Variants in CADM2 observed in about 807,000 individuals in gnomAD.
The protein encoded by CADM2 is immunoglobulin superfamily member 4D.
CADM2 carries 12 observed loss-of-function variants against 49.8 expected under a neutral mutation model. The ratio of observed to expected loss-of-function variants is 0.24; its 90% CI spans 0.15 to 0.39. The LOEUF (loss-of-function observed/expected upper bound fraction) is 0.39, where lower values mean the gene tolerates loss of function less well. CADM2 is among the 10% of genes least tolerant of loss of function. The probability of loss-of-function intolerance (pLI) is 1.00; values close to 1 mark genes in which losing one functional copy is unlikely to be tolerated. For missense variants in CADM2, 378 were observed against 492.3 expected, an observed-to-expected ratio of 0.77 and a Z score of 2.20; for synonymous variants, 214 against 175.4, an observed-to-expected ratio of 1.22 and a Z score of -1.74.
In CADM2 at chr3:84,990,889, A is replaced by G. The variant is rs958955428; in HGVS notation, c.61+31221A>G. On this transcript the variant is annotated intron_variant, in intron 1 of 9. Transcript: ENST00000383699. Reference sequence around the variant, plus strand: ...ATGAAAAGCATCTAACATCATATTGATTAGGTATTTCACAATTTTTTTCTT... The same window carrying G: ...ATGAAAAGCATCTAACATCATATTGGTTAGGTATTTCACAATTTTTTTCTT... Among the ~76,000 whole-genome samples the G allele has an allele frequency of 2.0e-5, 3 of 152,146 alleles. No individual in the cohort carries two copies. The South Asian group carries it at 6.2e-4, about 31-fold the overall frequency.
intron 2 of CADM2, among the ~76,000 whole-genome samples, chr3:85,798,960 G>T (rs1274746223): frequency 6.6e-6 from 1 of 152,070 alleles, no homozygotes; most frequent in Non-Finnish European, 1.5e-5. Flanking sequence ...GCAGTGGTTT[G>T]TAGTTCTCTT....
At position 85,892,570 on chromosome 3, in the gene CADM2, G is replaced by A. The variant is rs138265059; in HGVS notation, c.529+6243G>A. ...TTATAAAGGCAGTTCCCCTGCACAC[G>A]CTCTCTTGCCTGCCACCATGTAAGA... On this transcript the variant is annotated intron_variant, in intron 5 of 9. Transcript: ENST00000383699. Among the ~76,000 whole-genome samples the A allele has an allele frequency of 3.1e-4, 47 of 152,138 alleles. 1 individual carries two copies. The highest frequency in any genetic ancestry group is 4.7e-4 in the Non-Finnish European group (32 of 68,000).
chr3:85,011,978 A>G (rs1440660572), intron 1 of CADM2, among the ~76,000 whole-genome samples: 2 of 152,186 alleles, frequency 1.3e-5, no homozygotes, highest in African/African-American at 4.8e-5. Flanking sequence ...GTTAAGTAAA[A>G]AAATACTAAA....
intron 1 of CADM2, among the ~76,000 whole-genome samples, chr3:85,002,082 AT>A (rs1178143650): frequency 6.6e-6 from 1 of 151,676 alleles, no homozygotes; most frequent in South Asian, 2.1e-4. Context: ...TTAGGACCAC[AT>A]TTTTTTTCTT....
At chr3:85,207,367 C>T (rs961066004) in intron 1 of CADM2, among the ~76,000 whole-genome samples, 2 of 152,000 alleles carry the variant, frequency 1.3e-5, no homozygotes, top group African/African-American at 4.8e-5. Context: ...GGTATTTCTG[C>T]TTTATATCTT....
chr3:85,804,429 C>T lies in CADM2; in HGVS notation c.238+2233C>T, dbSNP rs542387952. On this transcript the variant is annotated intron_variant, in intron 3 of 9. Coordinates refer to ENST00000383699, the MANE Select transcript of CADM2 (RefSeq NM_001167675.2). Reference sequence around the variant, plus strand: ...TGAAAGTGTAGCACACTATCAACAACAAATTTGTCCCAAGCAGCAACTATA... The same window carrying T: ...TGAAAGTGTAGCACACTATCAACAATAAATTTGTCCCAAGCAGCAACTATA... Among the ~76,000 whole-genome samples, 56 of 152,236 alleles carry T rather than the reference C, an allele frequency of 3.7e-4. 1 individual carries two copies. In the South Asian group the frequency reaches 0.011, roughly 29 times the overall value.
Position 85,027,109 on chromosome 3 carries a change from CT to C in CADM2, c.61+67464del, listed in dbSNP as rs1160735135. ...TGGTTGTTGTTGCTTTTTCTTTTTC[CT>C]TTTTTTTTTTTTTTTTTTTTTTAAG... On this transcript the variant is annotated intron_variant, in intron 1 of 9. Coordinates refer to ENST00000383699, the MANE Select transcript of CADM2 (RefSeq NM_001167675.2). Among the ~76,000 whole-genome samples the C allele has an allele frequency of 2.0e-3, 114 of 55,686 alleles. 1 individual carries two copies. The highest frequency in any genetic ancestry group is 0.022 in the Middle Eastern group (1 of 46). The allele number at this position is 55,686 out of a possible 152,430, so 36.5% of individuals were successfully genotyped here. A position where few individuals can be genotyped will look rare whatever the true frequency, so the allele number is the denominator to read the frequency against.
intron 8 of CADM2, among the ~76,000 whole-genome samples, chr3:86,040,596 C>A (rs7653231): frequency 0.065 from 9,965 of 152,144 alleles, 868 homozygotes; most frequent in African/African-American, 0.19. Flanking sequence ...AAGACCAAAT[C>A]GACGTCTGAT....
At chr3:85,978,303 C>A (rs1014100606) in intron 8 of CADM2, among the ~76,000 whole-genome samples, 1 of 149,510 alleles carries the variant, frequency 6.7e-6, no homozygotes, top group Admixed American at 6.6e-5. Flanking sequence ...GCATTAAACA[C>A]TATTCTTTCT....
At chr3:84,996,217 A>C (rs890621799) in intron 1 of CADM2, among the ~76,000 whole-genome samples, 8 of 152,158 alleles carry the variant, frequency 5.3e-5, no homozygotes, top group African/African-American at 1.7e-4. Flanking sequence ...TATACTCAAA[A>C]TATAAATTGA....
At chr3:85,063,520 A>C (rs2036413565) in intron 1 of CADM2, among the ~76,000 whole-genome samples, 1 of 152,078 alleles carries the variant, frequency 6.6e-6, no homozygotes, top group African/African-American at 2.4e-5. Context: ...ATTTTGAAAC[A>C]TCCAAGTATT....
chr3:85,487,089 C>G (rs948408263), intron 1 of CADM2, among the ~76,000 whole-genome samples: 1 of 152,126 alleles, frequency 6.6e-6, no homozygotes, highest in African/African-American at 2.4e-5. Context: ...CTTTCCATTT[C>G]CCCCAATACT....
intron 1 of CADM2, among the ~76,000 whole-genome samples, chr3:85,405,778 A>T (rs2035343863): frequency 6.6e-6 from 1 of 151,898 alleles, no homozygotes; most frequent in Non-Finnish European, 1.5e-5. Flanking sequence ...ATAGGTAAAC[A>T]TGTGCCATAG....
At chr3:85,160,453 C>A (rs1271020578) in intron 1 of CADM2, among the ~76,000 whole-genome samples, 1 of 152,134 alleles carries the variant, frequency 6.6e-6, no homozygotes, top group Non-Finnish European at 1.5e-5. Context: ...AACGCATGCA[C>A]ACACTCAGTC....
At chr3:85,276,792 A>G (rs923361362) in intron 1 of CADM2, among the ~76,000 whole-genome samples, 2 of 151,330 alleles carry the variant, frequency 1.3e-5, no homozygotes, top group African/African-American at 4.8e-5. Context: ...CACATGAAAA[A>G]GCTGTTGTTA....
chr3:84,984,162 T>C (rs1470026189), intron 1 of CADM2, among the ~76,000 whole-genome samples: 1 of 151,878 alleles, frequency 6.6e-6, no homozygotes, highest in Non-Finnish European at 1.5e-5. Flanking sequence ...CTGAGCTGTT[T>C]CCCATGTTGC....
rs78268516 is a variant in CADM2 at position 85,601,161 on chromosome 3, T to C, written c.62-125361T>C. On this transcript the variant is annotated intron_variant, in intron 1 of 9. Coordinates refer to ENST00000383699, the MANE Select transcript of CADM2 (RefSeq NM_001167675.2). ...ATATATATATATATATATATATATA[T>C]ATATATATATATACACACACACACA... 7.4e-4 allele frequency among the ~76,000 whole-genome samples: 56 copies of C among 75,704 alleles called. 1 individual carries two copies. The highest frequency in any genetic ancestry group is 5.0e-4 in the South Asian group (1 of 1,982). 49.7% of individuals were successfully genotyped at this position (75,704 alleles called of 152,430 possible). A position where few individuals can be genotyped will look rare whatever the true frequency, so the allele number is the denominator to read the frequency against.
intron 1 of CADM2, among the ~76,000 whole-genome samples, chr3:85,228,075 C>A (rs1398988871): frequency 6.6e-6 from 1 of 152,122 alleles, no homozygotes; most frequent in Non-Finnish European, 1.5e-5. Flanking sequence ...TTCATTTCAA[C>A]CTTGGTGAAT....
intron 8 of CADM2, among the ~76,000 whole-genome samples, chr3:85,972,641 A>T (rs1726293961): frequency 6.6e-6 from 1 of 151,774 alleles, no homozygotes; most frequent in Non-Finnish European, 1.5e-5. Flanking sequence ...TAAAAAGATA[A>T]ACTGCCAGAA....
Sources: gnomAD v4.1 joint callset for allele counts (sites outside exome capture counted in the v4.1 genomes callset) on GRCh38, gnomAD v4.1.1 for gene constraint, MANE v1.5 for transcripts, NCBI Gene and HGNC (gene_info 2026-07-23, HGNC 2026-07-21) for gene names.